Variants in TOGARAM2 observed in about 807,000 individuals in gnomAD.
TOGARAM2 encodes the protein TOG array regulator of axonemal microtubules 2.
In TOGARAM2, 85 loss-of-function variants were observed where a neutral mutation model predicts 93.3. The ratio of observed to expected loss-of-function variants is 0.91; its 90% CI spans 0.76 to 1.09. The LOEUF (loss-of-function observed/expected upper bound fraction) is 1.09. TOGARAM2 is among the 50% of genes least tolerant of loss of function. The probability of loss-of-function intolerance (pLI) is 0.00; values close to 1 mark genes in which losing one functional copy is unlikely to be tolerated. For missense variants in TOGARAM2, 1,277 were observed against 1,334.5 expected, an observed-to-expected ratio of 0.96 and a Z score of 0.67; for synonymous variants, 593 against 552.8, an observed-to-expected ratio of 1.07 and a Z score of -1.02.
In TOGARAM2 at chr2:29,048,910, C is replaced by T. The variant is rs535293641; in HGVS notation, c.2723-2846C>T. On this transcript the variant is annotated intron_variant, in intron 19 of 19. Coordinates refer to ENST00000379558, the MANE Select transcript of TOGARAM2 (RefSeq NM_199280.4). Reference sequence around the variant, plus strand: ...TGTTGCCCAGGCTGGGGTGTAGTGGCGCGATCTCAGCTCACTGCTACCCCT... The same window carrying T: ...TGTTGCCCAGGCTGGGGTGTAGTGGTGCGATCTCAGCTCACTGCTACCCCT... 7.0e-5 allele frequency: 10 copies of T among 143,138 alleles called. No individual in the cohort carries two copies. The East Asian group carries it at 1.3e-3, about 18-fold the overall frequency. 8.9% of individuals were successfully genotyped at this position (143,138 alleles called of 1,614,324 possible). A position where few individuals can be genotyped will look rare whatever the true frequency, so the allele number is the denominator to read the frequency against.
At chr2:29,010,050 TG>T (rs1181461422) in intron 6 of TOGARAM2, among the ~76,000 whole-genome samples, 14 of 142,412 alleles carry the variant, frequency 9.8e-5, no homozygotes, top group East Asian at 2.0e-4. Flanking sequence ...TGTGTGTGTG[TG>T]TGTGTTGGGG....
chr2:29,006,853 C>T (rs1306618351), intron 6 of TOGARAM2, among the ~76,000 whole-genome samples: 1 of 152,158 alleles, frequency 6.6e-6, no homozygotes, highest in Non-Finnish European at 1.5e-5. Context: ...CTGGCCTCTT[C>T]CTCCCCTCGG....
At chr2:29,021,992 C>T (rs377552736) in intron 10 of TOGARAM2, among the ~76,000 whole-genome samples, 166 bp from the exon 11 acceptor site, 8 of 152,156 alleles carry the variant, frequency 5.3e-5, no homozygotes, top group South Asian at 4.1e-4. Context: ...GAGGCCCAGG[C>T]GCTGGGTTCT....
At chr2:29,006,092 T>C (rs868100266) in intron 6 of TOGARAM2, among the ~76,000 whole-genome samples, 1 of 70,190 alleles carries the variant, frequency 1.4e-5, no homozygotes, top group African/African-American at 3.6e-5. Context: ...TGTGTGTGTG[T>C]GGGGTGCATG....
At chr2:29,033,363 C>T in intron 15 of TOGARAM2, 106 bp from the exon 16 acceptor site, 1 of 1,075,424 alleles carries the variant, frequency 9.3e-7, no homozygotes, top group Non-Finnish European at 1.4e-6. Flanking sequence ...CTGAAGCTCT[C>T]CTAGGTGGAA....
At chr2:29,005,324 T>G (rs1186720246) in intron 6 of TOGARAM2, among the ~76,000 whole-genome samples, 1 of 89,618 alleles carries the variant, frequency 1.1e-5, no homozygotes, top group Non-Finnish European at 2.7e-5. Context: ...TGTGTGCATG[T>G]GTGTGTGAGA....
intron 15 of TOGARAM2, 134 bp from the exon 16 acceptor site, chr2:29,033,335 A>G: frequency 1.2e-6 from 1 of 854,800 alleles, no homozygotes; most frequent in Non-Finnish European, 1.8e-6. Context: ...AGGGCTCTGG[A>G]AGGCTCAACT....
Position 29,023,073 on chromosome 2 carries a change from C to A in TOGARAM2, c.1512-13C>A, listed in dbSNP as rs1456274668. On this transcript the variant is annotated splice_polypyrimidine_tract_variant and intron_variant, in intron 11 of 19. Transcript: ENST00000379558. ...TCCACCCTTCTGCAACAGGGCCTGG[C>A]CTTGCTTCTCAGGCAGATGAAGGAG... 3.8e-6 allele frequency: 6 copies of A among 1,576,000 alleles called. No homozygotes were observed. The highest frequency in any genetic ancestry group is 2.3e-5 in the South Asian group (2 of 85,738).
chr2:29,033,241 A>C (rs945141250), intron 15 of TOGARAM2, among the ~76,000 whole-genome samples, 190 bp downstream of exon 15: 4 of 152,176 alleles, frequency 2.6e-5, no homozygotes, highest in African/African-American at 9.7e-5. Flanking sequence ...CTAACCTCAC[A>C]CTACCCATGT....
chr2:28,984,149 T>C (rs1234822640), intron 1 of TOGARAM2, among the ~76,000 whole-genome samples: 1 of 152,132 alleles, frequency 6.6e-6, no homozygotes, highest in Non-Finnish European at 1.5e-5. Context: ...TCTGGAAGTC[T>C]GAGTTTCCCA....
intron 10 of TOGARAM2, among the ~76,000 whole-genome samples, chr2:29,018,736 T>A (rs939405662): frequency 1.3e-4 from 20 of 152,182 alleles, no homozygotes; most frequent in African/African-American, 4.3e-4. Context: ...CCTCTTTTTT[T>A]ATTTTTATTA....
intron 18 of TOGARAM2, 22 bp downstream of exon 18, chr2:29,036,779 G>C (rs1473483409): frequency 6.2e-7 from 1 of 1,601,526 alleles, no homozygotes; most frequent in Admixed American, 1.7e-5. Context: ...ACGTGGGCCT[G>C]TGTGGCTCTG....
At chr2:29,050,056 T>G (rs970317145) in intron 19 of TOGARAM2, 12 of 152,190 alleles carry the variant, frequency 7.9e-5, no homozygotes, top group African/African-American at 2.9e-4. Context: ...GAAGGACAAA[T>G]TGCAGTTTCA....
intron 12 of TOGARAM2, 79 bp from the exon 13 acceptor site, chr2:29,024,060 G>A (rs768157389): frequency 9.9e-5 from 122 of 1,234,554 alleles, no homozygotes; most frequent in Non-Finnish European, 1.2e-4. Context: ...GAAGAGGGTG[G>A]TGCAGGGCCC....
At chr2:28,972,074 ATTAT>A (rs759690867) in intron 1 of TOGARAM2, among the ~76,000 whole-genome samples, 1 of 152,036 alleles carries the variant, frequency 6.6e-6, no homozygotes, top group Non-Finnish European at 1.5e-5. Flanking sequence ...TGAGTTCAGT[ATTAT>A]TTATTTATTT....
At chr2:28,960,386 A>AT (rs560397668) in intron 1 of TOGARAM2, among the ~76,000 whole-genome samples, 1 of 151,802 alleles carries the variant, frequency 6.6e-6, no homozygotes, top group African/African-American at 2.4e-5. Flanking sequence ...TTAATTTTTA[A>AT]TTTTTTTTGA....
intron 1 of TOGARAM2, among the ~76,000 whole-genome samples, chr2:28,991,511 T>C (rs1002920525): frequency 1.5e-4 from 23 of 152,206 alleles, no homozygotes; most frequent in Non-Finnish European, 3.1e-4. Context: ...ACCAGCTTTG[T>C]CTGAGGAGAT....
In TOGARAM2 at chr2:28,971,432, G is replaced by A. The variant is rs181324508; in HGVS notation, c.-147+14735G>A. On this transcript the variant is annotated intron_variant, in intron 1 of 6. Coordinates refer to the TOGARAM2 transcript ENST00000401723. ...TCCCCGTGTTGCCCAGGCTGTTCTC[G>A]AACTCCCCAGCTCAAGCAATCCTCC... is the stretch of plus-strand genomic sequence containing the variant. Among the ~76,000 whole-genome samples, 226 of 152,076 alleles carry A rather than the reference G, an allele frequency of 1.5e-3. 1 individual carries two copies. The highest frequency in any genetic ancestry group is 3.1e-3 in the Admixed American group (48 of 15,278).
upstream of TOGARAM2, among the ~76,000 whole-genome samples, chr2:28,976,487 C>A (rs1438411811): frequency 1.3e-5 from 2 of 152,248 alleles, no homozygotes; most frequent in Admixed American, 6.5e-5. Flanking sequence ...ATCTCTCGAG[C>A]TTTCCTGTGG....
Sources: allele counts gnomAD v4.1 joint callset (sites outside exome capture counted in the v4.1 genomes callset), GRCh38; gene constraint gnomAD v4.1.1; transcripts MANE v1.5; gene names NCBI Gene and HGNC (gene_info 2026-07-23, HGNC 2026-07-21).